TNFRSF9: variants seen among roughly 807,000 people sequenced by gnomAD.
TNFRSF9 encodes tumor necrosis factor receptor superfamily member 9.
In TNFRSF9, 16 loss-of-function variants were observed where a neutral mutation model predicts 28.8. The ratio of observed to expected loss-of-function variants is 0.55; its 90% CI spans 0.38 to 0.84. The LOEUF is 0.84. Ranked by LOEUF, TNFRSF9 falls within the 40% of genes least tolerant of loss-of-function variation. The probability of loss-of-function intolerance (pLI) is 0.00; values close to 1 mark genes in which losing one functional copy is unlikely to be tolerated. For synonymous variants in TNFRSF9, 131 were observed against 117.0 expected (o/e 1.12, Z -0.77); for missense variants, 303 against 315.0 (o/e 0.96, Z 0.29).
At position 7,916,711 on chromosome 1, in the gene TNFRSF9, T is replaced by C. The variant is rs566055868; in HGVS notation, c.*4124A>G. 6 of 152,334 alleles carry C rather than the reference T, an allele frequency of 3.9e-5. 2 individuals are homozygous for C. The highest frequency in any genetic ancestry group is 1.4e-4 in the African/African-American group (6 of 41,584). The allele number at this position is 152,334 out of a possible 1,614,324, so 9.4% of individuals were successfully genotyped here. ...CTTTGTTCCTGAAATGGCACCAGTATACTTCCTAAGCTTTGCTTTGCCTAC... is the reference window on the plus strand; with the variant it reads ...CTTTGTTCCTGAAATGGCACCAGTACACTTCCTAAGCTTTGCTTTGCCTAC... On this transcript the variant is annotated 3_prime_UTR_variant, in exon 8 of 8. Coordinates refer to ENST00000377507, the MANE Select transcript of TNFRSF9 (RefSeq NM_001561.6).
chr1:7,924,018 A>G (rs972736602), intron 7 of TNFRSF9, among the ~76,000 whole-genome samples: 1 of 152,162 alleles, frequency 6.6e-6, no homozygotes, highest in Non-Finnish European at 1.5e-5. Flanking sequence ...GGTCAAAAAC[A>G]GACTGCATAT....
At chr1:7,939,779 G>T in intron 2 of TNFRSF9, 116 bp downstream of exon 2, 1 of 683,356 alleles carries the variant, frequency 1.5e-6, no homozygotes, top group Non-Finnish European at 2.4e-6. Flanking sequence ...ATTTGTAAAT[G>T]AATGAATTTT....
rs1202798414 is a variant in TNFRSF9 at position 7,920,290 on chromosome 1, G to C, written c.*545C>G. ...AAAACTAGCTCAAACCTGTTAAGTG[G>C]TATCTAGAAAATGCTTTTTTTTTTT... On this transcript the variant is annotated 3_prime_UTR_variant, in exon 8 of 8. Coordinates refer to ENST00000377507, the MANE Select transcript of TNFRSF9 (RefSeq NM_001561.6). 2 of 144,416 alleles carry C rather than the reference G, an allele frequency of 1.4e-5. No individual in the cohort carries two copies. Among genetic ancestry groups the C allele is most frequent in the East Asian group, 3.9e-4 (2 of 5,168 alleles). 8.9% of individuals were successfully genotyped at this position (144,416 alleles called of 1,614,324 possible).
At position 7,920,810 on chromosome 1, in the gene TNFRSF9, C is replaced by T; in HGVS notation, c.*25G>A. On this transcript the variant is annotated 3_prime_UTR_variant, in exon 8 of 8. Coordinates refer to ENST00000377507, the MANE Select transcript of TNFRSF9 (RefSeq NM_001561.6). ...TTTCCTTGCTTCTTTTCAAGAAAGT[C>T]CCAACAGCCCTATTGACTTCCATTT... The T allele has an allele frequency of 1.3e-6, 2 of 1,585,206 alleles. No individual in the cohort carries two copies. Among genetic ancestry groups the T allele is most frequent in the Non-Finnish European group, 8.7e-7 (1 of 1,155,028 alleles).
At chr1:7,937,893 C>T (rs548452779) in intron 4 of TNFRSF9, 137 bp from the exon 5 acceptor site, 2 of 731,678 alleles carry the variant, frequency 2.7e-6, no homozygotes, top group Non-Finnish European at 4.4e-6. Flanking sequence ...AAACAACACC[C>T]TAAGATGGCT....
At chr1:7,938,866 T>A in intron 2 of TNFRSF9, 38 bp from the exon 3 acceptor site, 1 of 1,450,214 alleles carries the variant, frequency 6.9e-7, no homozygotes, top group East Asian at 2.3e-5. Context: ...CGTTTGACAA[T>A]GGGCAATCGT....
chr1:7,935,413 G>T (rs575556626), intron 5 of TNFRSF9, among the ~76,000 whole-genome samples: 3 of 152,156 alleles, frequency 2.0e-5, no homozygotes, highest in African/African-American at 7.2e-5. Context: ...AATCGGACTT[G>T]ACCATCTCCG....
intron 7 of TNFRSF9, among the ~76,000 whole-genome samples, chr1:7,932,302 T>C (rs193020751): frequency 1.3e-5 from 2 of 152,352 alleles, no homozygotes. Flanking sequence ...AAGCCTGTTA[T>C]GTCTCATCCT....
chr1:7,926,383 C>T (rs1193800642), intron 7 of TNFRSF9, among the ~76,000 whole-genome samples: 1 of 152,170 alleles, frequency 6.6e-6, no homozygotes, highest in African/African-American at 2.4e-5. Context: ...TCTAGGTTTG[C>T]ATAAGTGCCC....
intron 5 of TNFRSF9, 46 bp from the exon 6 acceptor site, chr1:7,935,189 A>G: frequency 6.3e-7 from 1 of 1,594,216 alleles, no homozygotes; most frequent in Non-Finnish European, 8.6e-7. Flanking sequence ...ACTTAGGTCC[A>G]GAAGATTCTG....
chr1:7,935,940 G>C (rs1462567933), intron 5 of TNFRSF9, among the ~76,000 whole-genome samples: 2 of 152,216 alleles, frequency 1.3e-5, no homozygotes, highest in African/African-American at 4.8e-5. Flanking sequence ...GACACGCTGA[G>C]TAAATGGTAG....
chr1:7,921,544 C>A (rs1471187661), intron 7 of TNFRSF9, among the ~76,000 whole-genome samples: 2 of 151,922 alleles, frequency 1.3e-5, no homozygotes, highest in South Asian at 2.1e-4. Context: ...TGGTGGGCGC[C>A]TGTAATCCCA....
At chr1:7,940,202 G>A in intron 1 of TNFRSF9, 124 bp from the exon 2 acceptor site, 1 of 396,398 alleles carries the variant, frequency 2.5e-6, no homozygotes. Flanking sequence ...AATTAATGAT[G>A]CAATATTACG....
chr1:7,922,071 T>C lies in TNFRSF9; in HGVS notation c.680-1148A>G, dbSNP rs192013561. ...GTGCGTGAGCTGCCAGGCTTTCTTT[T>C]ACATGTTAGTGAAGTATTTGTGTTA... On this transcript the variant is annotated intron_variant, in intron 7 of 7. Transcript: ENST00000377507. 1.3e-4 allele frequency: 20 copies of C among 152,350 alleles called. No individual in the cohort carries two copies. In the East Asian group the frequency reaches 3.9e-3, roughly 29 times the overall value. 9.4% of individuals were successfully genotyped at this position (152,350 alleles called of 1,614,324 possible). A position where few individuals can be genotyped will look rare whatever the true frequency, so the allele number is the denominator to read the frequency against.
chr1:7,937,644 T>A, intron 5 of TNFRSF9, 46 bp downstream of exon 5: 1 of 1,537,838 alleles, frequency 6.5e-7, no homozygotes, highest in Non-Finnish European at 9.0e-7. Context: ...TCCAAAAAAT[T>A]TAACCCAGAT....
At chr1:7,934,440 G>A (rs1234886034) in intron 6 of TNFRSF9, among the ~76,000 whole-genome samples, 1 of 151,928 alleles carries the variant, frequency 6.6e-6, no homozygotes, top group African/African-American at 2.4e-5. Flanking sequence ...GACGGGCGTG[G>A]TGGCTCACAC....
At chr1:7,937,598 G>A in intron 5 of TNFRSF9, 92 bp downstream of exon 5, 1 of 995,264 alleles carries the variant, frequency 1.0e-6, no homozygotes, top group South Asian at 1.3e-5. Context: ...ACACTTGATG[G>A]GTGCAAAAAA....
In TNFRSF9 at chr1:7,940,269, A is replaced by G. The variant is rs924629356; in HGVS notation, c.-84-191T>C. The stretch of plus-strand genomic sequence containing the variant: ...ACAAGGCAGGCGTGATTAAACACAC[A>G]GCTTTGTGCCGGTTTGCCAAAGTTT... On this transcript the variant is annotated intron_variant, in intron 1 of 7. Transcript: ENST00000377507. Among the ~76,000 whole-genome samples, 23 of 152,332 alleles carry G rather than the reference A, an allele frequency of 1.5e-4. 1 individual carries two copies. The highest frequency in any genetic ancestry group is 1.2e-3 in the Admixed American group (19 of 15,298).
intron 7 of TNFRSF9, among the ~76,000 whole-genome samples, chr1:7,923,595 A>G (rs553928572): frequency 8.5e-5 from 13 of 152,270 alleles, no homozygotes; most frequent in Non-Finnish European, 1.8e-4. Flanking sequence ...TCCCAATACT[A>G]TGGGGGCCAA....
Sources: allele counts gnomAD v4.1 joint callset (sites outside exome capture counted in the v4.1 genomes callset), GRCh38; gene constraint gnomAD v4.1.1; transcripts MANE v1.5; gene names NCBI Gene and HGNC (gene_info 2026-07-23, HGNC 2026-07-21).